LRRC69: variants seen among roughly 807,000 people sequenced by gnomAD.
LRRC69 encodes leucine rich repeat containing 69.
Under a neutral mutation model 37.8 loss-of-function variants are expected in LRRC69, and 42 were observed. The ratio of observed to expected loss-of-function variants is 1.11; its 90% CI spans 0.87 to 1.44. The LOEUF (loss-of-function observed/expected upper bound fraction) is 1.44. Ranked by LOEUF, LRRC69 falls within the 40% of genes most tolerant of loss-of-function variation. The pLI is 0.00. For missense variants in LRRC69, 357 were observed against 401.9 expected, an observed-to-expected ratio of 0.89 and a Z score of 0.96; for synonymous variants, 141 against 143.1, an observed-to-expected ratio of 0.99 and a Z score of 0.11.
rs117970417 is a variant in LRRC69 at position 91,175,708 on chromosome 8, G to C, written c.652-13814G>C. Among the ~76,000 whole-genome samples, 1,432 of 152,240 alleles carry C rather than the reference G, an allele frequency of 9.4e-3. 10 individuals are homozygous for C. The highest frequency in any genetic ancestry group is 0.015 in the Non-Finnish European group (994 of 68,006). On this transcript the variant is annotated intron_variant, in intron 5 of 7. Transcript: ENST00000448384. The stretch of plus-strand genomic sequence containing the variant: ...GCACTTCGAAAGGGGGGCATCAACA[G>C]AGTAGGAAACGTTTGGTGGTCCTAT...
intron 5 of LRRC69, among the ~76,000 whole-genome samples, chr8:91,144,574 T>A (rs1808584344): frequency 6.6e-6 from 1 of 151,996 alleles, no homozygotes; most frequent in Admixed American, 6.6e-5. Context: ...TGAATTCCCT[T>A]TTTCTTAGAC....
chr8:91,152,123 C>T (rs181658786), intron 5 of LRRC69, among the ~76,000 whole-genome samples: 2 of 151,582 alleles, frequency 1.3e-5, no homozygotes, highest in East Asian at 1.9e-4. Context: ...TTTTGCTGTG[C>T]ATACACTCTT....
At chr8:91,140,639 ATTTTTTTTTTTTTTT>A (rs71266165) in intron 5 of LRRC69, among the ~76,000 whole-genome samples, 1 of 23,250 alleles carries the variant, frequency 4.3e-5, no homozygotes, top group Admixed American at 4.7e-4. Flanking sequence ...TCAATATGTG[ATTTTTTTTTTTTTTT>A]TTTTTTTTTT....
intron 5 of LRRC69, among the ~76,000 whole-genome samples, chr8:91,170,138 C>A (rs1219944235): frequency 1.9e-4 from 21 of 113,236 alleles, no homozygotes; most frequent in Non-Finnish European, 9.3e-5. Context: ...ACAGTCCCAC[C>A]AACAGTGTAA....
intron 1 of LRRC69, among the ~76,000 whole-genome samples, chr8:91,115,001 CTCAGAA>C (rs1301657915): frequency 6.6e-6 from 1 of 151,842 alleles, no homozygotes; most frequent in East Asian, 1.9e-4. Context: ...AAATGTCAGA[CTCAGAA>C]TCAGAGAGTA....
At chr8:91,182,964 A>G (rs1586271016) in intron 5 of LRRC69, among the ~76,000 whole-genome samples, 1 of 152,216 alleles carries the variant, frequency 6.6e-6, no homozygotes, top group African/African-American at 2.4e-5. Flanking sequence ...AGGTGACACA[A>G]GCTGACAGCT....
rs375661925 is a variant in LRRC69, at chr8:91,129,501, CAAA to C, written c.383+2345_383+2347del. Among the ~76,000 whole-genome samples the C allele has an allele frequency of 2.4e-4, 36 of 151,734 alleles. 3 individuals are homozygous for C. The highest frequency in any genetic ancestry group is 8.0e-4 in the African/African-American group (33 of 41,446). ...AGCTCATTTTATTGCCTTGAAAGAA[CAAA>C]AAAGTTAAAACCAACTCCCATGATA... On this transcript the variant is annotated intron_variant, in intron 3 of 7. Transcript: ENST00000448384.
intron 5 of LRRC69, among the ~76,000 whole-genome samples, chr8:91,143,988 G>C (rs1447602115): frequency 6.6e-6 from 1 of 151,910 alleles, no homozygotes; most frequent in African/African-American, 2.4e-5. Flanking sequence ...AATAACACTT[G>C]TATACATCAC....
At chr8:91,183,184 G>A (rs141063658) in intron 5 of LRRC69, among the ~76,000 whole-genome samples, 122 of 152,286 alleles carry the variant, frequency 8.0e-4, no homozygotes, top group African/African-American at 2.7e-3. Context: ...TAAGGACAAT[G>A]GAAATCTCAG....
chr8:91,122,265 C>T (rs1160484439), intron 1 of LRRC69, among the ~76,000 whole-genome samples: 1 of 151,994 alleles, frequency 6.6e-6, no homozygotes, highest in Admixed American at 6.6e-5. Context: ...ATTCTGTTAA[C>T]AGAGGCACTG....
At chr8:91,145,023 A>C (rs775330604) in intron 5 of LRRC69, among the ~76,000 whole-genome samples, 4 of 151,980 alleles carry the variant, frequency 2.6e-5, no homozygotes, top group Non-Finnish European at 5.9e-5. Flanking sequence ...GCATTAACAG[A>C]AATATTTCTG....
At position 91,118,822 on chromosome 8, in the gene LRRC69, A is replaced by G. The variant is rs143246244; in HGVS notation, c.184-5671A>G. ...ATGTTACTAATGAAACACTGCCTAC[A>G]TTCTTTCTGTATATCTGCTATTTCT... On this transcript the variant is annotated intron_variant, in intron 1 of 7. Coordinates refer to ENST00000448384, the Ensembl canonical transcript of LRRC69. Among the ~76,000 whole-genome samples, 336 of 152,208 alleles carry G rather than the reference A, an allele frequency of 2.2e-3. 3 individuals carry two copies. The highest frequency in any genetic ancestry group is 7.8e-3 in the African/African-American group (324 of 41,580).
chr8:91,108,468 C>T (rs1017601943), intron 1 of LRRC69, among the ~76,000 whole-genome samples: 2 of 151,918 alleles, frequency 1.3e-5, no homozygotes, highest in African/African-American at 2.4e-5. Context: ...ATATTACACT[C>T]GTGATGTAGG....
At chr8:91,135,579 C>G in intron 4 of LRRC69, 89 bp from the exon 5 acceptor site, 1 of 793,614 alleles carries the variant, frequency 1.3e-6, no homozygotes, top group Non-Finnish European at 1.9e-6. Flanking sequence ...CCACCTTCAT[C>G]ATGTTGGAGC....
intron 5 of LRRC69, among the ~76,000 whole-genome samples, chr8:91,155,403 A>T (rs1808815973): frequency 6.6e-6 from 1 of 150,940 alleles, no homozygotes; most frequent in Non-Finnish European, 1.5e-5. Flanking sequence ...TTATACATAT[A>T]TACAATGAGT....
At chr8:91,167,190 C>G (rs193012375) in intron 5 of LRRC69, among the ~76,000 whole-genome samples, 1 of 151,892 alleles carries the variant, frequency 6.6e-6, no homozygotes, top group Non-Finnish European at 1.5e-5. Flanking sequence ...ATACCCGAGA[C>G]TGGGTAATTA....
Position 91,195,429 on chromosome 8 carries a change from A to G in LRRC69, c.754-5184A>G, listed in dbSNP as rs1417240855. Among the ~76,000 whole-genome samples the G allele has an allele frequency of 4.2e-3, 636 of 151,874 alleles. 2 individuals are homozygous for G. Among genetic ancestry groups the G allele is most frequent in the African/African-American group, 0.014 (598 of 41,366 alleles). Reference sequence around the variant, plus strand: ...ACTTTCTGTCTTGTTGATCTGTCTAATGTTGACAGTGGGGTGTTAAAGTCT... The same window carrying G: ...ACTTTCTGTCTTGTTGATCTGTCTAGTGTTGACAGTGGGGTGTTAAAGTCT... On this transcript the variant is annotated intron_variant, in intron 6 of 7. Coordinates refer to ENST00000448384, the Ensembl canonical transcript of LRRC69.
intron 1 of LRRC69, among the ~76,000 whole-genome samples, chr8:91,121,875 A>G (rs1813629503): frequency 6.6e-6 from 1 of 152,060 alleles, no homozygotes; most frequent in Non-Finnish European, 1.5e-5. Flanking sequence ...GTTTATGGAT[A>G]TATTTCTAAG....
At position 91,113,251 on chromosome 8, in the gene LRRC69, T is replaced by C. The variant is rs146731758; in HGVS notation, c.183+10407T>C. Reference sequence around the variant, plus strand: ...ATATGGAACTACAAAGCAACCTGAATAGCCAAAACAATATTGAGCAAAGAC... The same window carrying C: ...ATATGGAACTACAAAGCAACCTGAACAGCCAAAACAATATTGAGCAAAGAC... On this transcript the variant is annotated intron_variant, in intron 1 of 7. Coordinates refer to ENST00000448384, the Ensembl canonical transcript of LRRC69. 5.6e-3 allele frequency among the ~76,000 whole-genome samples: 847 copies of C among 152,104 alleles called. 6 individuals carry two copies. The highest frequency in any genetic ancestry group is 0.014 in the Middle Eastern group (4 of 294).
Sources: gnomAD v4.1 joint callset for allele counts (sites outside exome capture counted in the v4.1 genomes callset) on GRCh38, gnomAD v4.1.1 for gene constraint, MANE v1.5 for transcripts, NCBI Gene and HGNC (gene_info 2026-07-23, HGNC 2026-07-21) for gene names.